SLC16A2: variants seen among roughly 807,000 people sequenced by gnomAD.
SLC16A2 encodes the protein solute carrier family 16 member 2.
A neutral mutation model predicts 27.2 loss-of-function variants in SLC16A2; 3 were observed. The ratio of observed to expected loss-of-function variants is 0.11; its 90% CI spans 0.05 to 0.28. The LOEUF is 0.28. SLC16A2 is among the 10% of genes least tolerant of loss of function. The pLI, the probability that SLC16A2 is intolerant of heterozygous loss-of-function variation, is 1.00. For synonymous variants in SLC16A2, 202 were observed against 187.8 expected, an observed-to-expected ratio of 1.08 and a Z score of -0.62; for missense variants, 295 against 458.5, an observed-to-expected ratio of 0.64 and a Z score of 3.26.
At chrX:74,429,300 T>C (rs1928485714) in intron 1 of SLC16A2, among the ~76,000 whole-genome samples, 1 of 111,139 alleles carries the variant, frequency 9.0e-6, no homozygotes, top group Non-Finnish European at 1.9e-5. Context: ...ATACCCCGTC[T>C]CTACAAAAAA....
intron 4 of SLC16A2, among the ~76,000 whole-genome samples, chrX:74,528,499 C>T (rs1930517963): frequency 9.0e-6 from 1 of 111,356 alleles, no homozygotes; most frequent in Non-Finnish European, 1.9e-5. Flanking sequence ...TCTCCCTAGA[C>T]ATACACCTTC....
intron 1 of SLC16A2, among the ~76,000 whole-genome samples, chrX:74,472,287 C>G (rs1224797998): frequency 9.0e-6 from 1 of 111,605 alleles, no homozygotes; most frequent in African/African-American, 3.3e-5. Flanking sequence ...ATTGCCTATT[C>G]TATTTACTTC....
chrX:74,470,950 T>C (rs889198791), intron 1 of SLC16A2, among the ~76,000 whole-genome samples: 1 of 111,190 alleles, frequency 9.0e-6, no homozygotes, highest in Non-Finnish European at 1.9e-5. Context: ...AAAAAAAAAA[T>C]CAAGTTATTT....
At chrX:74,468,570 C>T (rs1433811368) in intron 1 of SLC16A2, among the ~76,000 whole-genome samples, 3 of 111,767 alleles carry the variant, frequency 2.7e-5, no homozygotes, top group Non-Finnish European at 5.6e-5. Flanking sequence ...AGTAATGCTG[C>T]TATGAGAAGT....
chrX:74,429,402 G>C (rs889930106), intron 1 of SLC16A2, among the ~76,000 whole-genome samples: 2 of 109,233 alleles, frequency 1.8e-5, no homozygotes, highest in Non-Finnish European at 3.8e-5. Context: ...AGCCAAGGCG[G>C]TTGACGTTGC....
At chrX:74,441,889 G>A (rs1485310481) in intron 1 of SLC16A2, among the ~76,000 whole-genome samples, 1 of 111,141 alleles carries the variant, frequency 9.0e-6, no homozygotes, top group Non-Finnish European at 1.9e-5. Context: ...CTGGGGCAGG[G>A]GAAATGGCTA....
intron 1 of SLC16A2, among the ~76,000 whole-genome samples, chrX:74,435,219 T>C (rs1188769956): frequency 9.1e-6 from 1 of 110,437 alleles, no homozygotes; most frequent in Non-Finnish European, 1.9e-5. Flanking sequence ...ATATTTTTGG[T>C]CACATCAAGT....
chrX:74,516,607 G>T (rs1283447679), intron 1 of SLC16A2, among the ~76,000 whole-genome samples: 1 of 110,336 alleles, frequency 9.1e-6, no homozygotes, highest in African/African-American at 3.3e-5. Context: ...ATTTTTCAGT[G>T]GCCACTAAAA....
intron 1 of SLC16A2, among the ~76,000 whole-genome samples, chrX:74,452,504 A>G (rs1362454252): frequency 2.7e-5 from 3 of 111,711 alleles, no homozygotes; most frequent in Non-Finnish European, 5.6e-5. Flanking sequence ...TAAAAATAAT[A>G]TGCACTAGAA....
intron 1 of SLC16A2, among the ~76,000 whole-genome samples, chrX:74,516,011 G>C (rs1335570819): frequency 8.9e-6 from 1 of 112,328 alleles, no homozygotes; most frequent in Admixed American, 9.4e-5. Flanking sequence ...AAATGTGACA[G>C]ATATTATAAT....
chrX:74,506,998 T>C (rs1298141034), intron 1 of SLC16A2, among the ~76,000 whole-genome samples: 1 of 107,670 alleles, frequency 9.3e-6, no homozygotes, highest in Non-Finnish European at 1.9e-5. Context: ...AGTGGTGCAA[T>C]CTCAGCTCAC....
chrX:74,491,010 G>T (rs887413870), intron 1 of SLC16A2, among the ~76,000 whole-genome samples: 5 of 112,030 alleles, frequency 4.5e-5, no homozygotes, highest in Admixed American at 9.5e-5. Flanking sequence ...AGGCTTCAAT[G>T]GGCCTCTGCT....
chrX:74,493,993 A>G (rs938515282), intron 1 of SLC16A2, among the ~76,000 whole-genome samples: 15 of 111,286 alleles, frequency 1.3e-4, no homozygotes, highest in South Asian at 7.7e-4. Context: ...CCAAGAAAAG[A>G]GCTTCTGGTC....
chrX:74,509,152 T>TG (rs1005952929), intron 1 of SLC16A2, among the ~76,000 whole-genome samples: 1 of 109,890 alleles, frequency 9.1e-6, no homozygotes, highest in Non-Finnish European at 1.9e-5. Context: ...TTGTAGAGAG[T>TG]GGGGTCTCAC....
intron 1 of SLC16A2, among the ~76,000 whole-genome samples, chrX:74,466,284 C>A: frequency 9.0e-6 from 1 of 111,406 alleles, no homozygotes; most frequent in South Asian, 3.8e-4. Flanking sequence ...TTCTCCACCC[C>A]CTTTCCTGAC....
In SLC16A2 at chrX:74,473,835, C is replaced by T. The variant is rs757068700; in HGVS notation, c.431-47155C>T. Reference sequence around the variant, plus strand: ...ATTACCACACAGTCTGTGAGCATTCCCCATTGTTTAAAATGACTCAACCAT... The same window carrying T: ...ATTACCACACAGTCTGTGAGCATTCTCCATTGTTTAAAATGACTCAACCAT... On this transcript the variant is annotated intron_variant, in intron 1 of 5. Coordinates refer to ENST00000587091, the MANE Select transcript of SLC16A2 (RefSeq NM_006517.5). 9.3e-5 allele frequency: 48 copies of T among 517,501 alleles called. No homozygotes were observed. In the South Asian group the frequency reaches 1.3e-3, roughly 13 times the overall value. The allele number at this position is 517,501 out of a possible 1,213,427, so 42.6% of individuals were successfully genotyped here.
At chrX:74,474,683 T>C (rs1337517140) in intron 1 of SLC16A2, among the ~76,000 whole-genome samples, 1 of 110,343 alleles carries the variant, frequency 9.1e-6, no homozygotes, top group African/African-American at 3.3e-5. Flanking sequence ...CCTGTGTCCA[T>C]GTGTTCTCAT....
chrX:74,510,269 T>C (rs1175881111), intron 1 of SLC16A2, among the ~76,000 whole-genome samples: 2 of 111,929 alleles, frequency 1.8e-5, no homozygotes, highest in East Asian at 5.6e-4. Context: ...TCCCATACTT[T>C]CCATTAGGTG....
intron 1 of SLC16A2, among the ~76,000 whole-genome samples, chrX:74,501,718 A>G (rs1199142616): frequency 9.0e-6 from 1 of 111,411 alleles, no homozygotes; most frequent in Non-Finnish European, 1.9e-5. Context: ...GTATGGCCTC[A>G]GCGACTCTCT....
Sources: allele counts gnomAD v4.1 joint callset (sites outside exome capture counted in the v4.1 genomes callset), GRCh38; gene constraint gnomAD v4.1.1; transcripts MANE v1.5; gene names NCBI Gene and HGNC (gene_info 2026-07-23, HGNC 2026-07-21).